Variants in RIMS2 observed in about 807,000 individuals in gnomAD.
RIMS2 encodes regulating synaptic membrane exocytosis 2, also known as regulating synaptic membrane exocytosis protein 2.
Under a neutral mutation model 174.4 loss-of-function variants are expected in RIMS2, and 59 were observed. That is an observed-to-expected ratio of 0.34 (90% confidence interval 0.27 to 0.42). The LOEUF is 0.42. RIMS2 is among the 10% of genes least tolerant of loss of function. The pLI is 1.00. For missense variants in RIMS2, 1,620 were observed against 1,666.3 expected, an observed-to-expected ratio of 0.97 and a Z score of 0.48; for synonymous variants, 606 against 572.5, an observed-to-expected ratio of 1.06 and a Z score of -0.84.
chr8:103,921,441 A>T (rs990182970), intron 9 of RIMS2, among the ~76,000 whole-genome samples: 1 of 152,152 alleles, frequency 6.6e-6, no homozygotes, highest in Non-Finnish European at 1.5e-5. Context: ...CTCTACTATA[A>T]CTGGCACAGA....
intron 9 of RIMS2, among the ~76,000 whole-genome samples, chr8:103,919,767 A>G (rs2154529185): frequency 6.6e-6 from 1 of 152,336 alleles, no homozygotes. Flanking sequence ...TCTATACTTT[A>G]CAATATGGTC....
intron 3 of RIMS2, among the ~76,000 whole-genome samples, chr8:103,841,028 G>A (rs891108440): frequency 5.9e-5 from 9 of 152,174 alleles, no homozygotes; most frequent in Non-Finnish European, 1.0e-4. Flanking sequence ...TTATAGAGCA[G>A]GACTTAAAGA....
chr8:104,203,920 T>C (rs2099067691), intron 19 of RIMS2, among the ~76,000 whole-genome samples: 2 of 152,216 alleles, frequency 1.3e-5, no homozygotes, highest in African/African-American at 4.8e-5. Context: ...AAAGAATGGC[T>C]ACAGCTACTT....
intron 19 of RIMS2, among the ~76,000 whole-genome samples, chr8:104,118,331 G>T (rs986509760): frequency 6.7e-6 from 1 of 150,168 alleles, no homozygotes; most frequent in Non-Finnish European, 1.5e-5. Flanking sequence ...AAATTATTGG[G>T]GTTTTTTGTT....
chr8:103,522,183 T>C (rs1306713685), intron 1 of RIMS2, among the ~76,000 whole-genome samples: 1 of 152,146 alleles, frequency 6.6e-6, no homozygotes, highest in Non-Finnish European at 1.5e-5. Flanking sequence ...TGTTGGTCTT[T>C]AGGGGATTCC....
At chr8:103,957,121 G>A (rs1007457626) in intron 14 of RIMS2, among the ~76,000 whole-genome samples, 1 of 148,170 alleles carries the variant, frequency 6.7e-6, no homozygotes, top group Admixed American at 6.6e-5. Flanking sequence ...AGAGGATATC[G>A]AGAAATAGGA....
chr8:103,819,927 G>A (rs2098741530), intron 3 of RIMS2, among the ~76,000 whole-genome samples: 1 of 152,036 alleles, frequency 6.6e-6, no homozygotes, highest in African/African-American at 2.4e-5. Flanking sequence ...ATGCCCGATA[G>A]ATGTTTTCTT....
intron 19 of RIMS2, among the ~76,000 whole-genome samples, chr8:104,022,940 C>T (rs1331307024): frequency 6.6e-6 from 1 of 152,168 alleles, no homozygotes; most frequent in African/African-American, 2.4e-5. Context: ...ACATATTTCA[C>T]ATACGCTAAC....
rs1449039141 is a variant in RIMS2 at position 104,090,896 on chromosome 8, T to C, written c.3334+76281T>C. Among the ~76,000 whole-genome samples, 5 of 152,018 alleles carry C rather than the reference T, an allele frequency of 3.3e-5. No homozygotes were observed. In the East Asian group the frequency reaches 9.6e-4, roughly 29 times the overall value. ...GTATTTATTAAGTATTTCTAGCTAATATTATTTAGCTAAAGATATTCCTGA... is the reference window on the plus strand; with the variant it reads ...GTATTTATTAAGTATTTCTAGCTAACATTATTTAGCTAAAGATATTCCTGA... On this transcript the variant is annotated intron_variant, in intron 19 of 23. Transcript: ENST00000504942.
At chr8:103,625,632 A>G (rs1027602962) in intron 1 of RIMS2, among the ~76,000 whole-genome samples, 16 of 152,156 alleles carry the variant, frequency 1.1e-4, no homozygotes, top group African/African-American at 3.9e-4. Context: ...AATAGTTTGA[A>G]TGACATCTCG....
chr8:103,994,977 G>C (rs1163387473), intron 17 of RIMS2, among the ~76,000 whole-genome samples: 1 of 151,804 alleles, frequency 6.6e-6, no homozygotes, highest in Non-Finnish European at 1.5e-5. Context: ...CATATTTTCT[G>C]TTATTCTTAA....
At chr8:103,787,876 G>A (rs2098458752) in intron 3 of RIMS2, among the ~76,000 whole-genome samples, 2 of 151,964 alleles carry the variant, frequency 1.3e-5, no homozygotes. Flanking sequence ...TTTCCAACTT[G>A]GTTCCATTCT....
chr8:103,794,382 A>G (rs938218785), intron 3 of RIMS2, among the ~76,000 whole-genome samples: 1 of 152,136 alleles, frequency 6.6e-6, no homozygotes, highest in Non-Finnish European at 1.5e-5. Flanking sequence ...CTAGCCACGT[A>G]TAGAAAGCTG....
Position 103,927,858 on chromosome 8 carries a change from G to A in RIMS2, c.2213G>A (p.Arg738Lys), listed in dbSNP as rs766634196. 4 of 1,608,128 alleles carry A rather than the reference G, an allele frequency of 2.5e-6. No individual in the cohort carries two copies. Among genetic ancestry groups the A allele is most frequent in the Non-Finnish European group, 3.4e-6 (4 of 1,176,342 alleles). ...GCTTACCAGAGCCAAAGCCTTAGTAGAAGAACAACGCCTTTTGTTCCTAGG... is the reference window on the plus strand; with the variant it reads ...GCTTACCAGAGCCAAAGCCTTAGTAAAAGAACAACGCCTTTTGTTCCTAGG... Residue 738 changes from arginine to lysine, a missense_variant, in exon 11 of 24, where the codon AGA becomes AAA. Transcript: ENST00000504942.
chr8:103,649,820 A>C (rs2096416319), intron 1 of RIMS2, among the ~76,000 whole-genome samples: 1 of 151,844 alleles, frequency 6.6e-6, no homozygotes, highest in South Asian at 2.1e-4. Flanking sequence ...CAGCTCCTGT[A>C]TTGTTTTATC....
intron 12 of RIMS2, among the ~76,000 whole-genome samples, chr8:103,932,675 G>A (rs965355027): frequency 5.3e-5 from 8 of 152,126 alleles, no homozygotes; most frequent in African/African-American, 1.9e-4. Flanking sequence ...TTAAAGTCTT[G>A]CAAATTACTG....
intron 19 of RIMS2, among the ~76,000 whole-genome samples, chr8:104,139,448 T>A (rs1430023263): frequency 1.3e-5 from 2 of 152,168 alleles, no homozygotes; most frequent in East Asian, 3.8e-4. Flanking sequence ...CTGTCAGTGT[T>A]TTGTAGTTTT....
At chr8:103,791,439 A>G (rs938807064) in intron 3 of RIMS2, among the ~76,000 whole-genome samples, 58 of 152,350 alleles carry the variant, frequency 3.8e-4, no homozygotes, top group Non-Finnish European at 7.4e-4. Flanking sequence ...ATGAAAAGGA[A>G]CAACCCGTAC....
intron 2 of RIMS2, among the ~76,000 whole-genome samples, chr8:103,731,698 C>G (rs1167784622): frequency 6.6e-6 from 1 of 152,082 alleles, no homozygotes; most frequent in Admixed American, 6.6e-5. Context: ...CTCACTAATT[C>G]TTTCTTCTCC....
Sources: gnomAD v4.1 joint callset for allele counts (sites outside exome capture counted in the v4.1 genomes callset) on GRCh38, gnomAD v4.1.1 for gene constraint, MANE v1.5 for transcripts, NCBI Gene and HGNC (gene_info 2026-07-23, HGNC 2026-07-21) for gene names.